Variants in NEK10 observed in about 807,000 individuals in gnomAD.
The protein encoded by NEK10 is serine/threonine-protein kinase Nek10.
Under a neutral mutation model 159.8 loss-of-function variants are expected in NEK10, and 122 were observed. That is an observed-to-expected ratio of 0.76 (90% CI 0.66 to 0.89). The LOEUF (loss-of-function observed/expected upper bound fraction) is 0.89, where lower values mean the gene tolerates loss of function less well. NEK10 is among the 40% of genes least tolerant of loss of function. The pLI is 0.00. For missense variants in NEK10, 1,342 were observed against 1,323.1 expected, an observed-to-expected ratio of 1.01 and a Z score of -0.22; for synonymous variants, 466 against 457.1, an observed-to-expected ratio of 1.02 and a Z score of -0.25.
intron 1 of NEK10, among the ~76,000 whole-genome samples, chr3:27,354,002 T>C (rs542524145): frequency 3.9e-5 from 6 of 152,278 alleles, no homozygotes; most frequent in Non-Finnish European, 7.4e-5. Context: ...GCTTTTAATA[T>C]GCAAATACAA....
At chr3:27,350,912 T>G (rs1183654509) in intron 3 of NEK10, among the ~76,000 whole-genome samples, 1 of 152,158 alleles carries the variant, frequency 6.6e-6, no homozygotes, top group African/African-American at 2.4e-5. Flanking sequence ...TGGTGACCCA[T>G]TTCTCAAGTC....
At chr3:27,347,143 T>C (rs2047611158) in intron 3 of NEK10, among the ~76,000 whole-genome samples, 1 of 152,196 alleles carries the variant, frequency 6.6e-6, no homozygotes, top group Non-Finnish European at 1.5e-5. Context: ...ATTTTTCCAT[T>C]TTATATATTA....
intron 5 of NEK10, among the ~76,000 whole-genome samples, chr3:27,334,806 G>A (rs2046680817): frequency 6.6e-6 from 1 of 152,152 alleles, no homozygotes; most frequent in Non-Finnish European, 1.5e-5. Flanking sequence ...GCAGATGTCA[G>A]TGTAAGAACA....
At chr3:27,193,982 G>C (rs188211893) in intron 25 of NEK10, 1 of 152,104 alleles carries the variant, frequency 6.6e-6, no homozygotes, top group African/African-American at 2.4e-5. Context: ...CAAACTCAGC[G>C]TAACATCTAA....
At chr3:27,174,226 A>G in intron 28 of NEK10, among the ~76,000 whole-genome samples, 1 of 152,202 alleles carries the variant, frequency 6.6e-6, no homozygotes, top group East Asian at 1.9e-4. Flanking sequence ...TAGTAAAACT[A>G]TTCATTTGAC....
intron 23 of NEK10, among the ~76,000 whole-genome samples, chr3:27,203,137 C>A (rs1308329396): frequency 4.6e-5 from 7 of 152,166 alleles, no homozygotes; most frequent in African/African-American, 1.7e-4. Flanking sequence ...GCATAAGACA[C>A]ACAGAACCAG....
At chr3:27,191,950 T>C (rs2148977832) in intron 26 of NEK10, 79 bp downstream of exon 26, 6 of 1,224,214 alleles carry the variant, frequency 4.9e-6, no homozygotes, top group Non-Finnish European at 7.2e-6. Context: ...TTTTGATGAA[T>C]GTTCCTTAAA....
intron 32 of NEK10, among the ~76,000 whole-genome samples, chr3:27,125,477 A>G (rs946757974): frequency 1.3e-5 from 2 of 152,092 alleles, no homozygotes; most frequent in Non-Finnish European, 1.5e-5. Flanking sequence ...TTCTGGTCTT[A>G]CTTCCCTCAG....
chr3:27,123,019 C>A (rs1404643634), intron 32 of NEK10, among the ~76,000 whole-genome samples: 1 of 152,174 alleles, frequency 6.6e-6, no homozygotes, highest in Non-Finnish European at 1.5e-5. Flanking sequence ...CACTGACTTT[C>A]ATTCTAGGAA....
intron 23 of NEK10, among the ~76,000 whole-genome samples, chr3:27,203,993 C>T (rs1950267560): frequency 1.3e-5 from 2 of 151,870 alleles, no homozygotes; most frequent in South Asian, 4.1e-4. Flanking sequence ...ATCAACTGCT[C>T]ATGTTAAAAA....
Position 27,238,746 on chromosome 3 carries a change from C to CGTGTGTGT in NEK10, c.2090+17542_2090+17549dup, listed in dbSNP as rs59740177. Among the ~76,000 whole-genome samples the CGTGTGTGT allele has an allele frequency of 4.8e-3, 668 of 138,126 alleles. 8 individuals are homozygous for CGTGTGTGT. The highest frequency in any genetic ancestry group is 0.036 in the East Asian group (162 of 4,550). The allele number at this position is 138,126 out of a possible 152,430, so 90.6% of individuals were successfully genotyped here. On this transcript the variant is annotated intron_variant, in intron 23 of 35. Transcript: ENST00000691995. ...TATTTATCTAACCAACCTCCCCTTT[C>CGTGTGTGT]GTGTGTGTGTGTGTGTGTGTGTGTG...
chr3:27,304,271 T>C (rs1007157299), intron 12 of NEK10, among the ~76,000 whole-genome samples: 3 of 152,114 alleles, frequency 2.0e-5, no homozygotes, highest in Admixed American at 6.6e-5. Flanking sequence ...AAAACAAGGA[T>C]TGTACACCTG....
At chr3:27,237,835 G>A (rs567142036) in intron 23 of NEK10, among the ~76,000 whole-genome samples, 1 of 152,216 alleles carries the variant, frequency 6.6e-6, no homozygotes, top group South Asian at 2.1e-4. Context: ...AAAGAAAATG[G>A]TGGGCATCAA....
rs749388449 is a variant in NEK10, at chr3:27,352,898, C to G, written c.-16G>C. 11 of 1,580,268 alleles carry G rather than the reference C, an allele frequency of 7.0e-6. No individual in the cohort carries two copies. Among genetic ancestry groups the G allele is most frequent in the Non-Finnish European group, 9.6e-6 (11 of 1,151,354 alleles). ...GATCAGGCATTGTAAAACATCAATG[C>G]CCCAGAATTAACATCGCATTCCTTT... On this transcript the variant is annotated 5_prime_UTR_variant, in exon 2 of 36. Transcript: ENST00000691995.
chr3:27,251,193 G>A (rs564062419), intron 23 of NEK10, among the ~76,000 whole-genome samples: 1 of 152,272 alleles, frequency 6.6e-6, no homozygotes, highest in South Asian at 2.1e-4. Context: ...CTCAATAGCC[G>A]ATCTAGAATT....
intron 31 of NEK10, among the ~76,000 whole-genome samples, chr3:27,132,410 C>G (rs1174186564): frequency 6.6e-6 from 1 of 152,082 alleles, no homozygotes; most frequent in Non-Finnish European, 1.5e-5. Context: ...CACTTTGGAC[C>G]AGGAAATACA....
At chr3:27,191,091 G>C (rs1949071155) in intron 26 of NEK10, among the ~76,000 whole-genome samples, 1 of 152,154 alleles carries the variant, frequency 6.6e-6, no homozygotes, top group Non-Finnish European at 1.5e-5. Flanking sequence ...CCACTAAACA[G>C]TAGTACTTTC....
intron 1 of NEK10, among the ~76,000 whole-genome samples, chr3:27,365,354 T>G (rs1052080736): frequency 1.2e-4 from 19 of 152,248 alleles, no homozygotes; most frequent in Non-Finnish European, 2.6e-4. Flanking sequence ...TCACTTTGAT[T>G]CTGCTGACTG....
chr3:27,160,873 T>C (rs1200859227), intron 30 of NEK10, among the ~76,000 whole-genome samples: 1 of 152,152 alleles, frequency 6.6e-6, no homozygotes, highest in Admixed American at 6.5e-5. Context: ...ACCACTGCAC[T>C]CAAGCCTTGG....
Sources: allele counts gnomAD v4.1 joint callset (sites outside exome capture counted in the v4.1 genomes callset), GRCh38; gene constraint gnomAD v4.1.1; transcripts MANE v1.5; gene names NCBI Gene and HGNC (gene_info 2026-07-23, HGNC 2026-07-21).